MAP4K4: variants seen among roughly 807,000 people sequenced by gnomAD.
The protein encoded by MAP4K4 is mitogen-activated protein kinase kinase kinase kinase 4.
MAP4K4 carries 38 observed loss-of-function variants against 189.6 expected under a neutral mutation model. The observed-to-expected ratio is 0.20, with a 90% CI of 0.15 to 0.26. The LOEUF (loss-of-function observed/expected upper bound fraction) is 0.26. Ranked by LOEUF, MAP4K4 falls within the 10% of genes least tolerant of loss-of-function variation. The pLI, the probability that MAP4K4 is intolerant of heterozygous loss-of-function variation, is 1.00. For missense variants in MAP4K4, 1,054 were observed against 1,726.9 expected, an observed-to-expected ratio of 0.61 and a Z score of 6.91; for synonymous variants, 610 against 624.3, an observed-to-expected ratio of 0.98 and a Z score of 0.34.
At chr2:101,871,276 C>G (rs917596717) in intron 23 of MAP4K4, among the ~76,000 whole-genome samples, 2 of 152,142 alleles carry the variant, frequency 1.3e-5, no homozygotes, top group Non-Finnish European at 1.5e-5. Flanking sequence ...ACTCACTGCT[C>G]GAGCCGTGCA....
chr2:101,702,527 C>T (rs1165362060), intron 2 of MAP4K4, among the ~76,000 whole-genome samples: 1 of 152,180 alleles, frequency 6.6e-6, no homozygotes, highest in East Asian at 1.9e-4. Flanking sequence ...CGAGATTGTG[C>T]CATTGCACTC....
intron 3 of MAP4K4, among the ~76,000 whole-genome samples, chr2:101,794,257 C>T (rs1274798698): frequency 6.6e-6 from 1 of 152,128 alleles, no homozygotes; most frequent in Non-Finnish European, 1.5e-5. Flanking sequence ...ATGTACCGTT[C>T]ATTCAGTTTT....
At chr2:101,860,921 G>C in exon 16 of MAP4K4, 1 of 1,607,324 alleles carries the variant, frequency 6.2e-7, no homozygotes. Flanking sequence ...TTCCCGATCA[G>C]AGTCTTTTTC....
chr2:101,826,573 G>A (rs1243325649), intron 5 of MAP4K4, among the ~76,000 whole-genome samples: 3 of 152,152 alleles, frequency 2.0e-5, no homozygotes, highest in Non-Finnish European at 4.4e-5. Flanking sequence ...AGGAAGTCAG[G>A]TACTGGGCCA....
At chr2:101,777,150 G>T (rs1475007984) in intron 2 of MAP4K4, among the ~76,000 whole-genome samples, 1 of 152,180 alleles carries the variant, frequency 6.6e-6, no homozygotes. Context: ...GTGTGGTCAG[G>T]TGGTGAATGG....
Position 101,768,260 on chromosome 2 carries a change from T to G in MAP4K4, c.124-22460T>G, listed in dbSNP as rs529092440. 2.6e-4 allele frequency among the ~76,000 whole-genome samples: 39 copies of G among 152,356 alleles called. No homozygotes were observed. In the South Asian group the frequency reaches 4.8e-3, roughly 19 times the overall value. ...CCCTTTCGGTAAAATTTTGATCTGT[T>G]TCCTCTTTAATTAACCCCAGTGGGC... On this transcript the variant is annotated intron_variant, in intron 2 of 32. Transcript: ENST00000324219.
chr2:101,820,057 A>G (rs1023434702), intron 3 of MAP4K4, among the ~76,000 whole-genome samples: 3 of 152,234 alleles, frequency 2.0e-5, no homozygotes, highest in African/African-American at 7.2e-5. Context: ...GAACTGTGAA[A>G]ATATCGAGTG....
At chr2:101,878,749 TTATGA>T (rs1485029962) in intron 27 of MAP4K4, among the ~76,000 whole-genome samples, 1 of 152,216 alleles carries the variant, frequency 6.6e-6, no homozygotes, top group Admixed American at 6.5e-5. Flanking sequence ...TTACAGTCAC[TTATGA>T]TATTATAATC....
Position 101,713,094 on chromosome 2 carries a change from G to A in MAP4K4, c.123+14556G>A, listed in dbSNP as rs143335726. Reference sequence around the variant, plus strand: ...TAATTTTTGTATTTTTAGTAGAGACGGGGTTTCATCATGTTGGCCAGACTG... The same window carrying A: ...TAATTTTTGTATTTTTAGTAGAGACAGGGTTTCATCATGTTGGCCAGACTG... On this transcript the variant is annotated intron_variant, in intron 2 of 32. Transcript: ENST00000324219. Among the ~76,000 whole-genome samples the A allele has an allele frequency of 7.6e-3, 1,139 of 150,788 alleles. 13 individuals carry two copies. The highest frequency in any genetic ancestry group is 0.027 in the African/African-American group (1,091 of 41,042).
intron 12 of MAP4K4, among the ~76,000 whole-genome samples, chr2:101,853,036 C>A (rs534315286): frequency 6.6e-6 from 1 of 152,250 alleles, no homozygotes; most frequent in African/African-American, 2.4e-5. Context: ...GGAAGGATTC[C>A]CAGAATATTG....
At chr2:101,837,017 G>A (rs1402168664) in intron 9 of MAP4K4, among the ~76,000 whole-genome samples, 4 of 151,410 alleles carry the variant, frequency 2.6e-5, no homozygotes, top group African/African-American at 9.7e-5. Context: ...TCTGTACTCT[G>A]GCTCTTCATG....
At chr2:101,771,798 G>T (rs2081585482) in intron 2 of MAP4K4, among the ~76,000 whole-genome samples, 1 of 152,222 alleles carries the variant, frequency 6.6e-6, no homozygotes, top group Non-Finnish European at 1.5e-5. Context: ...TTGAAGAATT[G>T]AAAACTATAA....
intron 3 of MAP4K4, chr2:101,797,241 G>T: frequency 7.7e-7 from 1 of 1,290,564 alleles, no homozygotes; most frequent in Non-Finnish European, 1.0e-6. Context: ...GTTCTATTCT[G>T]TTATTCCTCA....
intron 12 of MAP4K4, among the ~76,000 whole-genome samples, chr2:101,847,245 A>G (rs1312860058): frequency 6.6e-6 from 1 of 152,244 alleles, no homozygotes; most frequent in East Asian, 1.9e-4. Flanking sequence ...TATAGCACAT[A>G]CAATTATATA....
intron 6 of MAP4K4, among the ~76,000 whole-genome samples, chr2:101,830,676 A>G (rs2096569372): frequency 6.6e-6 from 1 of 152,170 alleles, no homozygotes; most frequent in African/African-American, 2.4e-5. Flanking sequence ...GAAGCACTTG[A>G]GCAGTTCTCA....
intron 3 of MAP4K4, among the ~76,000 whole-genome samples, chr2:101,809,415 A>G (rs996855046): frequency 6.6e-6 from 1 of 152,002 alleles, no homozygotes; most frequent in African/African-American, 2.4e-5. Flanking sequence ...ACCACCATAC[A>G]TATGGTGGTT....
intron 2 of MAP4K4, among the ~76,000 whole-genome samples, chr2:101,759,132 C>CAA (rs754123985): frequency 1.7e-5 from 1 of 58,312 alleles, no homozygotes. Flanking sequence ...GACTCCATCT[C>CAA]AAAAAAAAAG....
intron 2 of MAP4K4, among the ~76,000 whole-genome samples, chr2:101,740,426 T>C (rs2062189828): frequency 9.8e-6 from 1 of 102,546 alleles, no homozygotes; most frequent in African/African-American, 1.6e-4. Context: ...AGTGCTGGGA[T>C]TACAGGCGTG....
chr2:101,821,453 C>T (rs988234449), intron 3 of MAP4K4, among the ~76,000 whole-genome samples: 1 of 152,114 alleles, frequency 6.6e-6, no homozygotes, highest in African/African-American at 2.4e-5. Flanking sequence ...GTACAATATG[C>T]TACTGTACTG....
Sources: gnomAD v4.1 joint callset for allele counts (sites outside exome capture counted in the v4.1 genomes callset) on GRCh38, gnomAD v4.1.1 for gene constraint, MANE v1.5 for transcripts, NCBI Gene and HGNC (gene_info 2026-07-23, HGNC 2026-07-21) for gene names.